The following CTSB variants were observed in gnomAD, a reference collection of about 807,000 sequenced individuals.
CTSB encodes the protein cathepsin B.
In CTSB, 57 loss-of-function variants were observed where a neutral mutation model predicts 44.3. The observed-to-expected ratio is 1.29, with a 90% CI of 1.04 to 1.60. The LOEUF is 1.60. Ranked by LOEUF, CTSB falls within the 40% of genes most tolerant of loss-of-function variation. The probability of loss-of-function intolerance (pLI) is 0.00; values close to 1 mark genes in which losing one functional copy is unlikely to be tolerated. For missense variants in CTSB, 768 were observed against 443.0 expected (o/e 1.73, Z -6.59); for synonymous variants, 320 against 168.0 (o/e 1.91, Z -7.00).
chr8:11,845,089 T>A lies in CTSB; in HGVS notation c.*36A>T, dbSNP rs368497707. 7.7e-5 allele frequency: 106 copies of A among 1,378,530 alleles called. 2 individuals carry two copies. The South Asian group carries it at 1.1e-3, about 15-fold the overall frequency. 85.4% of individuals were successfully genotyped at this position (1,378,530 alleles called of 1,614,324 possible). ...AATAAAATGCATTTCTACCCCGATC[T>A]CGCCCCCAGGACTGGCACGACAGGC... is the stretch of plus-strand genomic sequence containing the variant. On this transcript the variant is annotated 3_prime_UTR_variant, in exon 10 of 10. Coordinates refer to ENST00000353047, the MANE Select transcript of CTSB (RefSeq NM_001908.5).
chr8:11,847,735 C>A lies in CTSB; in HGVS notation c.620G>T (p.Cys207Phe), dbSNP rs1422467733. 6.2e-7 allele frequency: 1 copy of A among 1,600,434 alleles called. No individual in the cohort carries two copies. Among genetic ancestry groups the A allele is most frequent in the Non-Finnish European group, 8.5e-7 (1 of 1,175,294 alleles). Residue 207 changes from cysteine to phenylalanine, a missense_variant, in exon 7 of 10, where the codon TGT becomes TTT. Coordinates refer to ENST00000353047, the MANE Select transcript of CTSB (RefSeq NM_001908.5). ...GTAGCCAGGCTCACAGATCTTGCTACACTTGGGGGTATCTCCCTCCCCCGT... is the reference window on the plus strand; with the variant it reads ...GTAGCCAGGCTCACAGATCTTGCTAAACTTGGGGGTATCTCCCTCCCCCGT... ...PCTGEGDTPK[C>F]SKICEPGYSP...
intron 1 of CTSB, chr8:11,862,327 T>G (rs114143730): frequency 6.6e-6 from 1 of 151,852 alleles, no homozygotes; most frequent in Non-Finnish European, 1.5e-5. Flanking sequence ...AAGGAGACAC[T>G]CTTTTGAAAG....
intron 1 of CTSB, among the ~76,000 whole-genome samples, chr8:11,863,066 A>G (rs1816656470): frequency 6.6e-6 from 1 of 152,220 alleles, no homozygotes; most frequent in African/African-American, 2.4e-5. Flanking sequence ...TAATTCTGAC[A>G]CTTCGGGAGG....
Position 11,843,150 on chromosome 8 carries a change from T to C in CTSB, c.*1975A>G, listed in dbSNP as rs1812567576. On this transcript the variant is annotated 3_prime_UTR_variant, in exon 10 of 10. Coordinates refer to ENST00000353047, the MANE Select transcript of CTSB (RefSeq NM_001908.5). Reference sequence around the variant, plus strand: ...TTTTAGTAGAGGTGAGGTTTCAGCATGTTGGCCAGGCTGGTCTTGAACTCC... The same window carrying C: ...TTTTAGTAGAGGTGAGGTTTCAGCACGTTGGCCAGGCTGGTCTTGAACTCC... The C allele has an allele frequency of 6.6e-6, 1 of 152,114 alleles. No homozygotes were observed. Among genetic ancestry groups the C allele is most frequent in the Non-Finnish European group, 1.5e-5 (1 of 68,066 alleles). The allele number at this position is 152,114 out of a possible 1,614,324, so 9.4% of individuals were successfully genotyped here.
intron 6 of CTSB, 69 bp downstream of exon 6, chr8:11,847,998 A>T: frequency 1.4e-6 from 2 of 1,422,438 alleles, no homozygotes; most frequent in Non-Finnish European, 1.9e-6. Flanking sequence ...ATAAAGGCAA[A>T]TAAAGCCATG....
Position 11,851,621 on chromosome 8 carries a change from T to G in CTSB, c.213-641A>C, listed in dbSNP as rs1381755684. On this transcript the variant is annotated intron_variant, in intron 3 of 9. Coordinates refer to ENST00000353047, the MANE Select transcript of CTSB (RefSeq NM_001908.5). The stretch of plus-strand genomic sequence containing the variant: ...GATAGTGTTTCTTGCCCTGCTCTCC[T>G]GCCTCAACCTCTGCCCAGGATCCTC... Among the ~76,000 whole-genome samples, 3 of 152,252 alleles carry G rather than the reference T, an allele frequency of 2.0e-5. No homozygotes were observed. In the East Asian group the frequency reaches 5.8e-4, roughly 29 times the overall value.
chr8:11,845,107 C>A lies in CTSB; in HGVS notation c.*18G>T, dbSNP rs113669095. 15 of 1,576,692 alleles carry A rather than the reference C, an allele frequency of 9.5e-6. No individual in the cohort carries two copies. In the African/African-American group the frequency reaches 1.5e-4, roughly 16 times the overall value. ...CCCGATCTCGCCCCCAGGACTGGCACGACAGGCCCACGGCAGATTAGATCT... is the reference window on the plus strand; with the variant it reads ...CCCGATCTCGCCCCCAGGACTGGCAAGACAGGCCCACGGCAGATTAGATCT... On this transcript the variant is annotated 3_prime_UTR_variant, in exon 10 of 10. Transcript: ENST00000353047.
At chr8:11,853,696 C>G (rs1815020080) in intron 1 of CTSB, 1 of 490,060 alleles carries the variant, frequency 2.0e-6, no homozygotes, top group South Asian at 3.0e-5. Context: ...GCGGCCAGAG[C>G]CCAGAGAGAG....
chr8:11,849,815 A>C (rs1814218893), intron 4 of CTSB, among the ~76,000 whole-genome samples: 1 of 152,124 alleles, frequency 6.6e-6, no homozygotes, highest in African/African-American at 2.4e-5. Flanking sequence ...TCCTGACCTC[A>C]GGTGATCCGC....
At chr8:11,866,055 G>A (rs895656812) in intron 1 of CTSB, among the ~76,000 whole-genome samples, 3 of 150,124 alleles carry the variant, frequency 2.0e-5, no homozygotes, top group African/African-American at 2.4e-5. Context: ...AATTAAGAAA[G>A]AAAAGAAAAT....
chr8:11,855,422 C>A (rs1815343129), intron 1 of CTSB, among the ~76,000 whole-genome samples: 1 of 152,118 alleles, frequency 6.6e-6, no homozygotes, highest in Non-Finnish European at 1.5e-5. Flanking sequence ...TTTGGGAGGC[C>A]AAGGCAAGTG....
At chr8:11,851,639 G>A (rs1230793117) in intron 3 of CTSB, among the ~76,000 whole-genome samples, 1 of 152,112 alleles carries the variant, frequency 6.6e-6, no homozygotes, top group African/African-American at 2.4e-5. Flanking sequence ...CCTCTGCCCA[G>A]GATCCTCTCA....
chr8:11,845,822 C>A (rs201611723), intron 8 of CTSB, 33 bp from the exon 9 acceptor site: 37 of 1,588,440 alleles, frequency 2.3e-5, no homozygotes, highest in Admixed American at 3.4e-5. Flanking sequence ...AGACCGAGAC[C>A]GGGCCACTGT....
chr8:11,864,340 A>AC (rs1816821323), intron 1 of CTSB: 2 of 150,686 alleles, frequency 1.3e-5, no homozygotes, highest in Non-Finnish European at 3.0e-5. Context: ...AAAAAAAAAA[A>AC]AAACCTGGGC....
Position 11,848,157 on chromosome 8 carries a change from A to T in CTSB, c.447-5T>A, listed in dbSNP as rs1813804163. 6.2e-6 allele frequency: 10 copies of T among 1,613,288 alleles called. No homozygotes were observed. Among genetic ancestry groups the T allele is most frequent in the Non-Finnish European group, 7.6e-6 (9 of 1,179,220 alleles). ...GCAGGATAGCCACCATTACAGCTGA[A>T]AAGACAGCCTCTAATGAAAACCTCT... On this transcript the variant is annotated splice_region_variant and splice_polypyrimidine_tract_variant and intron_variant, in intron 5 of 9. Transcript: ENST00000353047.
intron 1 of CTSB, among the ~76,000 whole-genome samples, chr8:11,855,430 G>C (rs1253611447): frequency 6.6e-6 from 1 of 152,256 alleles, no homozygotes; most frequent in African/African-American, 2.4e-5. Flanking sequence ...GCCAAGGCAA[G>C]TGGATCACTT....
chr8:11,861,923 C>A lies in CTSB; in HGVS notation c.-26+6078G>T, dbSNP rs536274138. ...AGGCCAGCCACAGAAAGGCCTAGCTCTGGGCCGGGCATGCTGGCTCACGCC... is the reference window on the plus strand; with the variant it reads ...AGGCCAGCCACAGAAAGGCCTAGCTATGGGCCGGGCATGCTGGCTCACGCC... On this transcript the variant is annotated intron_variant, in intron 1 of 9. Coordinates refer to ENST00000353047, the MANE Select transcript of CTSB (RefSeq NM_001908.5). 2.6e-5 allele frequency among the ~76,000 whole-genome samples: 4 copies of A among 152,346 alleles called. No individual in the cohort carries two copies. The East Asian group carries it at 5.8e-4, about 22-fold the overall frequency.
chr8:11,859,606 A>G (rs974576214), intron 1 of CTSB, among the ~76,000 whole-genome samples: 1 of 151,550 alleles, frequency 6.6e-6, no homozygotes, highest in Non-Finnish European at 1.5e-5. Context: ...TGTCTCTACT[A>G]AAAATACAAA....
In CTSB at chr8:11,853,350, G is replaced by C; in HGVS notation, c.105C>G (p.Asn35Lys). The change falls in exon 2 of 10, where the codon AAC (asparagine) becomes AAG (lysine). Residue 35 changes from asparagine to lysine, a missense_variant. Asn to Lys is a moderately conservative substitution (Grantham distance 94, BLOSUM62 0). Coordinates refer to ENST00000353047, the MANE Select transcript of CTSB (RefSeq NM_001908.5). ...CTACCTGCCACGTGGTATTCCGTTTGTTGACATAGTTGACCAGCTCATCCG... is the reference window on the plus strand; with the variant it reads ...CTACCTGCCACGTGGTATTCCGTTTCTTGACATAGTTGACCAGCTCATCCG... ...PLSDELVNYVNKRNTTWQAGH... is the reference protein window; with the variant it reads ...PLSDELVNYVKKRNTTWQAGH... 1 of 1,613,434 alleles carries C rather than the reference G, an allele frequency of 6.2e-7. No individual in the cohort carries two copies. Among genetic ancestry groups the C allele is most frequent in the Non-Finnish European group, 8.5e-7 (1 of 1,179,910 alleles).
Sources: gnomAD v4.1 joint callset for allele counts (sites outside exome capture counted in the v4.1 genomes callset) on GRCh38, gnomAD v4.1.1 for gene constraint, MANE v1.5 for transcripts, NCBI Gene and HGNC (gene_info 2026-07-23, HGNC 2026-07-21) for gene names.